Variants in HS6ST3 observed in about 807,000 individuals in gnomAD.
The protein encoded by HS6ST3 is heparan sulfate 6-O-sulfotransferase 3.
In HS6ST3, 12 loss-of-function variants were observed where a neutral mutation model predicts 36.7. The ratio of observed to expected loss-of-function variants is 0.33; its 90% CI spans 0.21 to 0.53. HS6ST3 has a LOEUF of 0.53. Ranked by LOEUF, HS6ST3 falls within the 20% of genes least tolerant of loss-of-function variation. The pLI is 0.95. For synonymous variants in HS6ST3, 240 were observed against 257.5 expected (o/e 0.93, Z 0.65); for missense variants, 584 against 640.9 (o/e 0.91, Z 0.96).
intron 1 of HS6ST3, among the ~76,000 whole-genome samples, chr13:96,653,635 G>C (rs1458675167): frequency 6.6e-6 from 1 of 152,160 alleles, no homozygotes; most frequent in Non-Finnish European, 1.5e-5. Flanking sequence ...TTGGTTCCAA[G>C]TCTTGTTATT....
At chr13:96,424,336 T>C in intron 1 of HS6ST3, among the ~76,000 whole-genome samples, 1 of 152,204 alleles carries the variant, frequency 6.6e-6, no homozygotes, top group Non-Finnish European at 1.5e-5. Flanking sequence ...CACAATTACA[T>C]AAATTTAAAA....
intron 1 of HS6ST3, among the ~76,000 whole-genome samples, chr13:96,203,687 T>C (rs953560964): frequency 2.6e-5 from 4 of 152,324 alleles, no homozygotes; most frequent in Non-Finnish European, 5.9e-5. Flanking sequence ...AAATACCATA[T>C]GCCAAATGCC....
chr13:96,450,944 G>A (rs566807877), intron 1 of HS6ST3, among the ~76,000 whole-genome samples: 1 of 152,084 alleles, frequency 6.6e-6, no homozygotes, highest in Admixed American at 6.5e-5. Flanking sequence ...CCTATGTGAA[G>A]GCCTCAGTTG....
chr13:96,780,002 C>T (rs1008618808), intron 1 of HS6ST3, among the ~76,000 whole-genome samples: 1 of 152,022 alleles, frequency 6.6e-6, no homozygotes, highest in African/African-American at 2.4e-5. Flanking sequence ...GAGCAAAGAA[C>T]TAGGACAAGG....
At chr13:96,137,908 T>A (rs2054010785) in intron 1 of HS6ST3, among the ~76,000 whole-genome samples, 1 of 152,228 alleles carries the variant, frequency 6.6e-6, no homozygotes, top group Non-Finnish European at 1.5e-5. Context: ...TCATTGTGCC[T>A]ATTTTTATTG....
intron 1 of HS6ST3, among the ~76,000 whole-genome samples, chr13:96,659,938 T>C (rs754663446): frequency 2.4e-4 from 36 of 152,276 alleles, no homozygotes; most frequent in Non-Finnish European, 4.9e-4. Context: ...TATATTTTCA[T>C]GACAATAAAC....
At chr13:96,607,212 A>C (rs1212783098) in intron 1 of HS6ST3, among the ~76,000 whole-genome samples, 2 of 152,348 alleles carry the variant, frequency 1.3e-5, no homozygotes, top group Middle Eastern at 3.4e-3. Context: ...AAACAAAAGG[A>C]AAAAATGACT....
intron 1 of HS6ST3, among the ~76,000 whole-genome samples, chr13:96,179,144 A>T (rs1307063687): frequency 6.6e-6 from 1 of 152,232 alleles, no homozygotes; most frequent in Non-Finnish European, 1.5e-5. Flanking sequence ...AATATCTCTC[A>T]AAATAGTGGG....
chr13:96,384,802 T>G (rs548435328), intron 1 of HS6ST3, among the ~76,000 whole-genome samples: 25 of 152,264 alleles, frequency 1.6e-4, no homozygotes, highest in African/African-American at 6.0e-4. Context: ...CAAGCTCAGA[T>G]TCTAGTTAAC....
At chr13:96,626,930 C>T (rs1342030926) in intron 1 of HS6ST3, among the ~76,000 whole-genome samples, 1 of 152,018 alleles carries the variant, frequency 6.6e-6, no homozygotes, top group Non-Finnish European at 1.5e-5. Context: ...AAATCTCATA[C>T]ATTGTAACAC....
At chr13:96,779,227 G>A (rs941276247) in intron 1 of HS6ST3, among the ~76,000 whole-genome samples, 1 of 151,892 alleles carries the variant, frequency 6.6e-6, no homozygotes, top group Non-Finnish European at 1.5e-5. Context: ...TAGATGACGG[G>A]TTGATGGGTG....
intron 1 of HS6ST3, among the ~76,000 whole-genome samples, chr13:96,315,032 A>G (rs1170246923): frequency 6.6e-6 from 1 of 152,204 alleles, no homozygotes; most frequent in Non-Finnish European, 1.5e-5. Context: ...CTGCAGATGA[A>G]CAGACCTTAC....
chr13:96,466,909 G>T (rs2055817190), intron 1 of HS6ST3, among the ~76,000 whole-genome samples: 1 of 152,166 alleles, frequency 6.6e-6, no homozygotes, highest in Admixed American at 6.5e-5. Flanking sequence ...AGAAGATAGT[G>T]GGTACCCCTA....
At chr13:96,170,102 A>G (rs1220105470) in intron 1 of HS6ST3, among the ~76,000 whole-genome samples, 2 of 152,228 alleles carry the variant, frequency 1.3e-5, no homozygotes, top group Admixed American at 6.5e-5. Context: ...TTTCATGACC[A>G]TCACATAATC....
intron 1 of HS6ST3, among the ~76,000 whole-genome samples, chr13:96,350,006 T>C (rs1262703503): frequency 6.6e-6 from 1 of 152,130 alleles, no homozygotes; most frequent in Non-Finnish European, 1.5e-5. Context: ...TCAGAAGCTA[T>C]GCTTCTGAAG....
chr13:96,282,899 G>C (rs935105199), intron 1 of HS6ST3, among the ~76,000 whole-genome samples: 1 of 152,140 alleles, frequency 6.6e-6, no homozygotes, highest in African/African-American at 2.4e-5. Context: ...TTTAAAATCA[G>C]TTATTGTTTA....
At chr13:96,259,650 A>G (rs1378735655) in intron 1 of HS6ST3, among the ~76,000 whole-genome samples, 1 of 152,084 alleles carries the variant, frequency 6.6e-6, no homozygotes, top group Non-Finnish European at 1.5e-5. Flanking sequence ...CACAACCCCA[A>G]CCTGTCATCT....
intron 1 of HS6ST3, among the ~76,000 whole-genome samples, chr13:96,390,678 C>G (rs1272485127): frequency 6.6e-6 from 1 of 152,218 alleles, no homozygotes; most frequent in Non-Finnish European, 1.5e-5. Context: ...GTCTACAACA[C>G]TCAATCTGTC....
chr13:96,564,807 A>C (rs139671996), intron 1 of HS6ST3, among the ~76,000 whole-genome samples: 1 of 152,330 alleles, frequency 6.6e-6, no homozygotes, highest in East Asian at 1.9e-4. Flanking sequence ...AATAAACAGA[A>C]AACCCAAGTA....
Sources: gnomAD v4.1 joint callset for allele counts (sites outside exome capture counted in the v4.1 genomes callset) on GRCh38, gnomAD v4.1.1 for gene constraint, MANE v1.5 for transcripts, NCBI Gene and HGNC (gene_info 2026-07-23, HGNC 2026-07-21) for gene names.